BMP5: variants seen among roughly 807,000 people sequenced by gnomAD.
The protein encoded by BMP5 is bone morphogenetic protein 5.
BMP5 carries 23 observed loss-of-function variants against 46.6 expected under a neutral mutation model. The observed-to-expected ratio is 0.49, with a 90% CI of 0.35 to 0.70. BMP5 has a LOEUF of 0.70. BMP5 is among the 30% of genes least tolerant of loss of function. The probability of loss-of-function intolerance (pLI) is 0.00; values close to 1 mark genes in which losing one functional copy is unlikely to be tolerated. For missense variants in BMP5, 545 were observed against 565.6 expected (o/e 0.96, Z 0.37); for synonymous variants, 204 against 191.9 (o/e 1.06, Z -0.52).
chr6:55,826,026 G>T (rs1179522340), intron 1 of BMP5, among the ~76,000 whole-genome samples: 1 of 151,878 alleles, frequency 6.6e-6, no homozygotes, highest in African/African-American at 2.4e-5. Flanking sequence ...TGACTACCAA[G>T]ATGCATCACT....
intron 1 of BMP5, among the ~76,000 whole-genome samples, chr6:55,859,407 T>C (rs953965986): frequency 6.6e-6 from 1 of 152,158 alleles, no homozygotes; most frequent in Non-Finnish European, 1.5e-5. Flanking sequence ...ACTAAAAAAA[T>C]TGCATGCCCA....
intron 1 of BMP5, among the ~76,000 whole-genome samples, chr6:55,824,647 A>T (rs1281542222): frequency 6.6e-6 from 1 of 151,926 alleles, no homozygotes; most frequent in African/African-American, 2.4e-5. Flanking sequence ...TTTTTTTCCT[A>T]GTACCATCCC....
intron 1 of BMP5, among the ~76,000 whole-genome samples, chr6:55,837,335 TTAGATAGA>T (rs34459081): frequency 0.027 from 3,312 of 123,988 alleles, 73 homozygotes; most frequent in Admixed American, 0.075. Flanking sequence ...TAAAACTAAT[TTAGATAGA>T]TAGATAGATA....
chr6:55,768,342 A>C (rs964682164), intron 4 of BMP5, among the ~76,000 whole-genome samples: 2 of 151,970 alleles, frequency 1.3e-5, no homozygotes, highest in African/African-American at 4.8e-5. Flanking sequence ...AAAGCAATAC[A>C]CATTCAGTAG....
chr6:55,844,276 A>G (rs1777042746), intron 1 of BMP5, among the ~76,000 whole-genome samples: 1 of 152,066 alleles, frequency 6.6e-6, no homozygotes. Flanking sequence ...TGCTGCTGTC[A>G]TCATGCCTCA....
chr6:55,871,308 A>C (rs1777783276), intron 1 of BMP5, among the ~76,000 whole-genome samples: 1 of 151,964 alleles, frequency 6.6e-6, no homozygotes, highest in Non-Finnish European at 1.5e-5. Flanking sequence ...GATATTCAAC[A>C]GTTTTAGGGA....
At chr6:55,768,879 A>G (rs1774980061) in intron 4 of BMP5, among the ~76,000 whole-genome samples, 1 of 151,994 alleles carries the variant, frequency 6.6e-6, no homozygotes, top group African/African-American at 2.4e-5. Flanking sequence ...GAGTGTCACA[A>G]TATTTTTTGG....
In BMP5 at chr6:55,794,239, A is replaced by G. The variant is rs753599113; in HGVS notation, c.832+40T>C. Reference sequence around the variant, plus strand: ...AAAAACGATAACTCTCAATGTGTCAAACAAGCTTCACAAAAAAATATATAA... The same window carrying G: ...AAAAACGATAACTCTCAATGTGTCAGACAAGCTTCACAAAAAAATATATAA... On this transcript the variant is annotated intron_variant, in intron 3 of 6. Transcript: ENST00000370830. 4.3e-6 allele frequency: 7 copies of G among 1,611,486 alleles called. No individual in the cohort carries two copies. In the South Asian group the frequency reaches 6.6e-5, roughly 15 times the overall value.
chr6:55,776,484 T>C (rs1775175038), intron 3 of BMP5, among the ~76,000 whole-genome samples: 1 of 151,838 alleles, frequency 6.6e-6, no homozygotes, highest in Non-Finnish European at 1.5e-5. Flanking sequence ...TTAACTGTTA[T>C]AGAATAGAAT....
chr6:55,819,871 G>C (rs998841386), intron 1 of BMP5, 24 bp from the exon 2 acceptor site: 1 of 1,583,398 alleles, frequency 6.3e-7, no homozygotes, highest in African/African-American at 1.3e-5. Flanking sequence ...GGGGGTTGAG[G>C]GGGAAAAAAG....
Position 55,771,123 on chromosome 6 carries a change from A to G in BMP5, c.1027+2926T>C, listed in dbSNP as rs555987198. Reference sequence around the variant, plus strand: ...CAAAACTTCAGTTTGTAAAAAACACATTATCTTTGAAACACAATAAAGCAA... The same window carrying G: ...CAAAACTTCAGTTTGTAAAAAACACGTTATCTTTGAAACACAATAAAGCAA... On this transcript the variant is annotated intron_variant, in intron 4 of 6. Coordinates refer to ENST00000370830, the MANE Select transcript of BMP5 (RefSeq NM_021073.4). Among the ~76,000 whole-genome samples, 5 of 151,974 alleles carry G rather than the reference A, an allele frequency of 3.3e-5. No individual in the cohort carries two copies. The South Asian group carries it at 8.3e-4, about 25-fold the overall frequency.
intron 3 of BMP5, among the ~76,000 whole-genome samples, chr6:55,788,090 CT>C (rs988868727): frequency 6.6e-6 from 1 of 151,586 alleles, no homozygotes; most frequent in Non-Finnish European, 1.5e-5. Flanking sequence ...ATCCATTCTA[CT>C]GTTTAACGCT....
At position 55,874,774 on chromosome 6, in the gene BMP5, T is replaced by C; in HGVS notation, c.92A>G (p.Asp31Gly). ...LVGYAKGGLG[D>G]NHVHSSFIYR... ...AATAAAACTGGAGTGAACATGATTG[T>C]CTCCCAAACCTCCTTTTGCATAACC... The change falls in exon 1 of 7, where the codon GAC becomes GGC. Residue 31 changes from aspartate (D) to glycine (G), a missense_variant. Transcript: ENST00000370830. 6.2e-7 allele frequency: 1 copy of C among 1,613,378 alleles called. No individual in the cohort carries two copies. Among genetic ancestry groups the C allele is most frequent in the Non-Finnish European group, 8.5e-7 (1 of 1,179,662 alleles).
At chr6:55,858,167 C>CA (rs1323477693) in intron 1 of BMP5, among the ~76,000 whole-genome samples, 2 of 152,124 alleles carry the variant, frequency 1.3e-5, no homozygotes, top group African/African-American at 4.8e-5. Flanking sequence ...TTATTTAGAC[C>CA]AAATCTATTT....
chr6:55,779,267 G>A (rs941281294), intron 3 of BMP5, among the ~76,000 whole-genome samples: 3 of 151,910 alleles, frequency 2.0e-5, no homozygotes, highest in African/African-American at 4.8e-5. Flanking sequence ...ATTCCAGTTC[G>A]TTTTTTTCTC....
In BMP5 at chr6:55,819,755, C is replaced by T; in HGVS notation, c.583G>A (p.Ala195Thr). ...TQIPHGEAVT[A>T]AEFRIYKDRS... is the part of the protein sequence containing the mutation. ...TCCTTGTATATCCGGAATTCAGCTG[C>T]TGTCACTGCCTCTCCATGAGGAATT... is the stretch of plus-strand genomic sequence containing the variant. Residue 195 changes from alanine (A) to threonine (T), a missense_variant, in exon 2 of 7, where the codon GCA becomes ACA. Transcript: ENST00000370830. The T allele has an allele frequency of 1.9e-6, 3 of 1,613,606 alleles. No homozygotes were observed. Among genetic ancestry groups the T allele is most frequent in the Non-Finnish European group, 2.5e-6 (3 of 1,179,624 alleles).
chr6:55,755,470 G>A lies in BMP5; in HGVS notation c.*63C>T. 1 of 1,495,774 alleles carries A rather than the reference G, an allele frequency of 6.7e-7. No homozygotes were observed. The highest frequency in any genetic ancestry group is 9.2e-7 in the Non-Finnish European group (1 of 1,086,418). The allele number at this position is 1,495,774 out of a possible 1,614,324, so 92.7% of individuals were successfully genotyped here. ...AAATTCCCCGTTTGTCTGAAAGTAT[G>A]CTTTTTATTGCAGCCATAAACCTTA... On this transcript the variant is annotated 3_prime_UTR_variant, in exon 7 of 7. Transcript: ENST00000370830.
chr6:55,758,861 G>A, intron 6 of BMP5, 144 bp downstream of exon 6: 1 of 686,370 alleles, frequency 1.5e-6, no homozygotes, highest in Non-Finnish European at 2.6e-6. Context: ...ACCCACAGTT[G>A]TTACTTCAGC....
intron 6 of BMP5, among the ~76,000 whole-genome samples, chr6:55,756,188 A>G (rs1774591766): frequency 2.0e-5 from 3 of 152,038 alleles, no homozygotes; most frequent in Admixed American, 2.0e-4. Flanking sequence ...TAAAAATCAT[A>G]ATAAAATAAA....
Sources: allele counts gnomAD v4.1 joint callset (sites outside exome capture counted in the v4.1 genomes callset), GRCh38; gene constraint gnomAD v4.1.1; transcripts MANE v1.5; gene names NCBI Gene and HGNC (gene_info 2026-07-23, HGNC 2026-07-21).